VIPR2: variants seen among roughly 807,000 people sequenced by gnomAD.
The protein encoded by VIPR2 is vasoactive intestinal peptide receptor 2.
A neutral mutation model predicts 58.0 loss-of-function variants in VIPR2; 48 were observed. The ratio of observed to expected loss-of-function variants is 0.83; its 90% CI spans 0.66 to 1.05. The LOEUF (loss-of-function observed/expected upper bound fraction) is 1.05, where lower values mean the gene tolerates loss of function less well. Among genes scored for constraint, VIPR2 ranks in the 50% least tolerant of loss-of-function variants. VIPR2 has a pLI of 0.00. For missense variants in VIPR2, 534 were observed against 558.0 expected (o/e 0.96, Z 0.43); for synonymous variants, 243 against 235.2 (o/e 1.03, Z -0.30).
intron 2 of VIPR2, among the ~76,000 whole-genome samples, chr7:159,118,151 G>T (rs1266903896): frequency 6.6e-6 from 1 of 152,150 alleles, no homozygotes; most frequent in Non-Finnish European, 1.5e-5. Context: ...CCTGCTGGGG[G>T]GCTGCTGAAG....
At position 159,097,803 on chromosome 7, in the gene VIPR2, C is replaced by T. The variant is rs572087108; in HGVS notation, c.357+5954G>A. ...GTCTGATCCCAGGAGTGGGATAGGGCGGGCAACAGGGCTTTGTGCAAAGTC... is the reference window on the plus strand; with the variant it reads ...GTCTGATCCCAGGAGTGGGATAGGGTGGGCAACAGGGCTTTGTGCAAAGTC... On this transcript the variant is annotated intron_variant, in intron 4 of 12. Transcript: ENST00000262178. The surrounding 1 kb of genome is among the most constrained non-coding windows in gnomAD (Gnocchi z 5.3). 1.1e-4 allele frequency among the ~76,000 whole-genome samples: 16 copies of T among 152,144 alleles called. No individual in the cohort carries two copies. The highest frequency in any genetic ancestry group is 3.9e-4 in the Admixed American group (6 of 15,286).
In VIPR2 at chr7:159,135,942, A is replaced by T. The variant is rs1307875616; in HGVS notation, c.151+6504T>A. Among the ~76,000 whole-genome samples, 4 of 152,186 alleles carry T rather than the reference A, an allele frequency of 2.6e-5. No individual in the cohort carries two copies. In the East Asian group the frequency reaches 7.7e-4, roughly 29 times the overall value. ...TCAAACACACAGGTCCTGGCCATGA[A>T]GCCTTCAGGGAATCACAGGACTGGG... On this transcript the variant is annotated intron_variant, in intron 2 of 12. Transcript: ENST00000262178.
chr7:159,030,311 C>T lies in VIPR2; in HGVS notation c.*305G>A, dbSNP rs183891349. On this transcript the variant is annotated 3_prime_UTR_variant, in exon 13 of 13. Transcript: ENST00000262178. ...GGAGCAGAGATCAGGCCACTGCAGT[C>T]CAGCCTGGGCGACAGAGCGAGACTC... 0.039 allele frequency: 10,579 copies of T among 268,734 alleles called. 325 individuals carry two copies. Among genetic ancestry groups the T allele is most frequent in the Non-Finnish European group, 0.056 (8,084 of 144,144 alleles). The allele number at this position is 268,734 out of a possible 1,614,324, so 16.6% of individuals were successfully genotyped here. A position where few individuals can be genotyped will look rare whatever the true frequency, so the allele number is the denominator to read the frequency against.
chr7:159,076,674 T>C (rs910481914), intron 4 of VIPR2, among the ~76,000 whole-genome samples: 13 of 152,240 alleles, frequency 8.5e-5, no homozygotes, highest in Admixed American at 6.5e-5. Context: ...AATAGCTCTA[T>C]TTAATTGGCT....
At chr7:159,123,681 T>C (rs1284006734) in intron 2 of VIPR2, among the ~76,000 whole-genome samples, 2 of 152,212 alleles carry the variant, frequency 1.3e-5, no homozygotes, top group African/African-American at 4.8e-5. Flanking sequence ...AGTAATGGGA[T>C]TGCTGGGTCA....
At chr7:159,054,403 G>A (rs116668289) in intron 5 of VIPR2, among the ~76,000 whole-genome samples, 12 of 152,296 alleles carry the variant, frequency 7.9e-5, no homozygotes, top group African/African-American at 2.9e-4. Context: ...CTTAAACTCA[G>A]TCACAGAGCT....
chr7:159,062,470 G>A (rs1318079492), intron 4 of VIPR2, among the ~76,000 whole-genome samples: 1 of 152,164 alleles, frequency 6.6e-6, no homozygotes, highest in Non-Finnish European at 1.5e-5. Flanking sequence ...CTGGCTTCAA[G>A]AGTGAAGCTG....
At chr7:159,132,613 G>A (rs1796967966) in intron 2 of VIPR2, among the ~76,000 whole-genome samples, 1 of 152,272 alleles carries the variant, frequency 6.6e-6, no homozygotes, top group South Asian at 2.1e-4. Flanking sequence ...CTGGAGAAAT[G>A]GGTGCAGCTC....
At chr7:159,034,097 G>GT (rs777450291) in intron 10 of VIPR2, 116 bp downstream of exon 10, 4 of 958,770 alleles carry the variant, frequency 4.2e-6, no homozygotes, top group Non-Finnish European at 3.2e-6. Flanking sequence ...GCCTCGAGGT[G>GT]TGACAGTGGC....
rs1489676277 is a variant in VIPR2 at position 159,058,378 on chromosome 7, C to T, written c.455+103G>A. The stretch of plus-strand genomic sequence containing the variant: ...GCATTCTCCATGGGAGTCTTATTGG[C>T]TTAGCACACAGAGGGCTCCAGGCTG... On this transcript the variant is annotated intron_variant, in intron 5 of 12. Transcript: ENST00000262178. The T allele has an allele frequency of 4.5e-6, 4 of 893,252 alleles. 1 individual carries two copies. Among genetic ancestry groups the T allele is most frequent in the South Asian group, 2.7e-5 (2 of 73,240 alleles). 55.3% of individuals were successfully genotyped at this position (893,252 alleles called of 1,614,324 possible). A position where few individuals can be genotyped will look rare whatever the true frequency, so the allele number is the denominator to read the frequency against.
At chr7:159,083,579 C>T (rs1338807471) in intron 4 of VIPR2, among the ~76,000 whole-genome samples, 1 of 152,198 alleles carries the variant, frequency 6.6e-6, no homozygotes, top group African/African-American at 2.4e-5. Context: ...ACCAGAGCCA[C>T]AGCCAGGGCA....
At chr7:159,110,421 T>C (rs1795952520) in intron 2 of VIPR2, among the ~76,000 whole-genome samples, 1 of 152,248 alleles carries the variant, frequency 6.6e-6, no homozygotes, top group African/African-American at 2.4e-5. Flanking sequence ...GCATAATGCA[T>C]AGCTTAAACA....
rs530947886 is a variant in VIPR2, at chr7:159,133,284, C to T, written c.151+9162G>A. 2.6e-5 allele frequency among the ~76,000 whole-genome samples: 4 copies of T among 152,426 alleles called. No homozygotes were observed. The East Asian group carries it at 7.7e-4, about 29-fold the overall frequency. The stretch of plus-strand genomic sequence containing the variant: ...AACACACCAGTGTCTCCTGGCCACC[C>T]CCTAAACACGGCCCACGGTCCCAAT... On this transcript the variant is annotated intron_variant, in intron 2 of 12. Transcript: ENST00000262178.
intron 4 of VIPR2, among the ~76,000 whole-genome samples, chr7:159,060,513 T>C (rs181486812): frequency 1.4e-4 from 21 of 151,576 alleles, no homozygotes; most frequent in Admixed American, 1.2e-3. Context: ...TCCATAACTC[T>C]TACCTCACCT....
rs116349542 is a variant in VIPR2 at position 159,128,815 on chromosome 7, G to A, written c.151+13631C>T. On this transcript the variant is annotated intron_variant, in intron 2 of 12. Coordinates refer to ENST00000262178, the MANE Select transcript of VIPR2 (RefSeq NM_003382.5). This position sits in a 1 kb window ranked among gnomAD's most constrained non-coding sequence, Gnocchi z 4.1. ...GCCTTCAGTGGTCTCAGCTCTGCAGGTTGGGCACGCTAACTGCTCTTCTCC... is the reference window on the plus strand; with the variant it reads ...GCCTTCAGTGGTCTCAGCTCTGCAGATTGGGCACGCTAACTGCTCTTCTCC... Among the ~76,000 whole-genome samples the A allele has an allele frequency of 8.2e-3, 1,252 of 152,288 alleles. 15 individuals carry two copies. Among genetic ancestry groups the A allele is most frequent in the African/African-American group, 0.029 (1,201 of 41,546 alleles).
At chr7:159,129,069 C>T (rs1229116519) in intron 2 of VIPR2, among the ~76,000 whole-genome samples, 2 of 152,254 alleles carry the variant, frequency 1.3e-5, no homozygotes, top group Non-Finnish European at 2.9e-5. Context: ...TAAGAAGAAC[C>T]CGTCACCACC....
At chr7:159,030,881 C>T (rs1206638778) in intron 12 of VIPR2, 92 bp from the exon 13 acceptor site, 3 of 1,371,402 alleles carry the variant, frequency 2.2e-6, no homozygotes, top group East Asian at 2.7e-5. Context: ...CCAGCTCTCC[C>T]TCCCGCCTGC....
chr7:159,125,354 G>A (rs1309875023), intron 2 of VIPR2, among the ~76,000 whole-genome samples: 1 of 152,206 alleles, frequency 6.6e-6, no homozygotes, highest in Admixed American at 6.5e-5. Flanking sequence ...CTTTCCTGCA[G>A]TGTAAGATGT....
In VIPR2 at chr7:159,050,877, G is replaced by A. The variant is rs1854964922; in HGVS notation, c.455+7604C>T. ...CTGAAAAAAGTCTTCAAAGCTTTCA[G>A]AGGAAAAAAGACACACTGCCTCAAA... On this transcript the variant is annotated intron_variant, in intron 5 of 12. Transcript: ENST00000262178. 3.3e-5 allele frequency among the ~76,000 whole-genome samples: 5 copies of A among 152,314 alleles called. No individual in the cohort carries two copies. The South Asian group carries it at 1.0e-3, about 32-fold the overall frequency.
Sources: gnomAD v4.1 joint callset for allele counts (sites outside exome capture counted in the v4.1 genomes callset) on GRCh38, gnomAD v4.1.1 for gene constraint, Gnocchi (gnomAD v3.1) non-coding constraint, MANE v1.5 for transcripts, NCBI Gene and HGNC (gene_info 2026-07-23, HGNC 2026-07-21) for gene names.